The following NAALADL2 variants were observed in gnomAD, a reference collection of about 807,000 sequenced individuals.
The protein encoded by NAALADL2 is inactive N-acetylated-alpha-linked acidic dipeptidase-like protein 2.
In NAALADL2, 76 loss-of-function variants were observed where a neutral mutation model predicts 87.2. The ratio of observed to expected loss-of-function variants is 0.87; its 90% CI spans 0.72 to 1.05. The LOEUF (loss-of-function observed/expected upper bound fraction) is 1.05. Ranked by LOEUF, NAALADL2 falls within the 50% of genes least tolerant of loss-of-function variation. The probability of loss-of-function intolerance (pLI) is 0.00; values close to 1 mark genes in which losing one functional copy is unlikely to be tolerated. For synonymous variants in NAALADL2, 354 were observed against 331.0 expected, an observed-to-expected ratio of 1.07 and a Z score of -0.75; for missense variants, 1,089 against 945.8, an observed-to-expected ratio of 1.15 and a Z score of -1.99.
At chr3:175,190,727 A>G (rs1738027051) in intron 2 of NAALADL2, among the ~76,000 whole-genome samples, 1 of 152,200 alleles carries the variant, frequency 6.6e-6, no homozygotes, top group East Asian at 1.9e-4. Context: ...CTGTAATCCC[A>G]GCACTTTGGG....
At position 175,631,143 on chromosome 3, in the gene NAALADL2, T is replaced by G. The variant is rs1030558902; in HGVS notation, c.1896+3757T>G. On this transcript the variant is annotated intron_variant, in intron 11 of 13. Transcript: ENST00000454872. Reference sequence around the variant, plus strand: ...ACTCTTTTTCTTCTAGACTTTGCTATAGATTGCAAGCATGATTTCATGCCA... The same window carrying G: ...ACTCTTTTTCTTCTAGACTTTGCTAGAGATTGCAAGCATGATTTCATGCCA... Among the ~76,000 whole-genome samples, 4 of 151,852 alleles carry G rather than the reference T, an allele frequency of 2.6e-5. No individual in the cohort carries two copies. The East Asian group carries it at 5.8e-4, about 22-fold the overall frequency.
At chr3:174,924,002 T>G (rs1735611213) in intron 1 of NAALADL2, among the ~76,000 whole-genome samples, 1 of 152,196 alleles carries the variant, frequency 6.6e-6, no homozygotes, top group Non-Finnish European at 1.5e-5. Flanking sequence ...ACTAGGTTTT[T>G]AAAAGAAGGA....
At chr3:175,231,466 C>A (rs1329105065) in intron 2 of NAALADL2, among the ~76,000 whole-genome samples, 1 of 152,032 alleles carries the variant, frequency 6.6e-6, no homozygotes. Flanking sequence ...TTAATTTTAG[C>A]TTAATACTGA....
intron 1 of NAALADL2, among the ~76,000 whole-genome samples, chr3:175,054,121 G>C (rs1341742748): frequency 6.6e-6 from 1 of 152,188 alleles, no homozygotes; most frequent in Non-Finnish European, 1.5e-5. Context: ...CACATTCATA[G>C]GCATATTAAA....
At chr3:175,471,348 G>T (rs1724838168) in intron 8 of NAALADL2, among the ~76,000 whole-genome samples, 1 of 151,670 alleles carries the variant, frequency 6.6e-6, no homozygotes, top group African/African-American at 2.4e-5. Flanking sequence ...AGCTGGAGGG[G>T]TGGCCAGCGC....
intron 2 of NAALADL2, among the ~76,000 whole-genome samples, chr3:175,133,648 C>T (rs527286130): frequency 2.6e-5 from 4 of 152,246 alleles, no homozygotes; most frequent in Admixed American, 2.0e-4. Context: ...GGCAGGGAGG[C>T]TGCAGTGAGC....
chr3:175,789,316 C>T (rs761868758), intron 13 of NAALADL2, among the ~76,000 whole-genome samples: 15 of 151,958 alleles, frequency 9.9e-5, no homozygotes, highest in African/African-American at 2.2e-4. Context: ...AGAGTTTCTG[C>T]GACTTTATTT....
chr3:175,372,082 C>G (rs773153579), intron 5 of NAALADL2, among the ~76,000 whole-genome samples: 11 of 152,122 alleles, frequency 7.2e-5, no homozygotes, highest in Non-Finnish European at 1.6e-4. Context: ...AGGAATAACC[C>G]TTAGGAGTTC....
chr3:175,245,896 G>A (rs1747884407), intron 3 of NAALADL2, among the ~76,000 whole-genome samples: 1 of 152,132 alleles, frequency 6.6e-6, no homozygotes, highest in Admixed American at 6.6e-5. Context: ...CTCCTCTTAT[G>A]CCAACCCTTG....
chr3:175,684,222 G>A (rs1735974880), intron 11 of NAALADL2, among the ~76,000 whole-genome samples: 1 of 151,708 alleles, frequency 6.6e-6, no homozygotes, highest in African/African-American at 2.4e-5. Context: ...GTCTGAGAAG[G>A]AAAAGCATTA....
At chr3:174,590,887 A>G (rs1376642313) in intron 2 of NAALADL2, among the ~76,000 whole-genome samples, 2 of 144,292 alleles carry the variant, frequency 1.4e-5, no homozygotes, top group Admixed American at 6.9e-5. Flanking sequence ...AAATGAAAGG[A>G]AAAAAAAAAA....
intron 3 of NAALADL2, among the ~76,000 whole-genome samples, chr3:174,837,319 T>C (rs1723450562): frequency 6.6e-6 from 1 of 152,162 alleles, no homozygotes; most frequent in African/African-American, 2.4e-5. Flanking sequence ...AGATTACAAC[T>C]GACACCACAG....
intron 5 of NAALADL2, among the ~76,000 whole-genome samples, chr3:175,347,270 A>T (rs2148862167): frequency 6.6e-6 from 1 of 152,258 alleles, no homozygotes. Flanking sequence ...ATCTCTTTCC[A>T]ATTGGCTAGC....
chr3:174,606,362 A>C (rs1204552628), intron 2 of NAALADL2, among the ~76,000 whole-genome samples: 3 of 151,758 alleles, frequency 2.0e-5, no homozygotes, highest in Non-Finnish European at 1.5e-5. Flanking sequence ...TCAGACGATC[A>C]AACTACTCTG....
chr3:174,665,879 A>G (rs1017486439), intron 2 of NAALADL2, among the ~76,000 whole-genome samples: 1 of 152,104 alleles, frequency 6.6e-6, no homozygotes, highest in Non-Finnish European at 1.5e-5. Flanking sequence ...GCTGACTTGT[A>G]TATGCATTAT....
chr3:175,463,866 T>C (rs996196832), intron 7 of NAALADL2, among the ~76,000 whole-genome samples: 3 of 152,038 alleles, frequency 2.0e-5, no homozygotes, highest in African/African-American at 7.3e-5. Context: ...TTTATTTTGA[T>C]CAAGAAGACA....
intron 11 of NAALADL2, among the ~76,000 whole-genome samples, chr3:175,690,048 T>A (rs1357734336): frequency 6.6e-6 from 1 of 152,090 alleles, no homozygotes; most frequent in African/African-American, 2.4e-5. Context: ...GGAAGACAAT[T>A]AGTATGTACA....
At position 174,797,362 on chromosome 3, in the gene NAALADL2, A is replaced by G. The variant is rs111691558; in HGVS notation, c.-9+59616A>G. 9.9e-3 allele frequency among the ~76,000 whole-genome samples: 1,153 copies of G among 116,008 alleles called. 13 individuals are homozygous for G. The highest frequency in any genetic ancestry group is 0.038 in the African/African-American group (1,088 of 28,948). The allele number at this position is 116,008 out of a possible 152,430, so 76.1% of individuals were successfully genotyped here. A position where few individuals can be genotyped will look rare whatever the true frequency, so the allele number is the denominator to read the frequency against. ...AGTCTCGCTTTGTCACCCAGGCTGGAGTGCAATGGCGTGATCTCAGCTTAC... is the reference window on the plus strand; with the variant it reads ...AGTCTCGCTTTGTCACCCAGGCTGGGGTGCAATGGCGTGATCTCAGCTTAC... On this transcript the variant is annotated intron_variant, in intron 3 of 3. Coordinates refer to the NAALADL2 transcript ENST00000434257.
intron 2 of NAALADL2, among the ~76,000 whole-genome samples, chr3:175,140,878 T>C (rs973373211): frequency 4.6e-5 from 7 of 152,134 alleles, no homozygotes; most frequent in African/African-American, 1.7e-4. Context: ...TCCTGTCTCA[T>C]ATCTTACCCT....
Sources: gnomAD v4.1 joint callset for allele counts (sites outside exome capture counted in the v4.1 genomes callset) on GRCh38, gnomAD v4.1.1 for gene constraint, MANE v1.5 for transcripts, NCBI Gene and HGNC (gene_info 2026-07-23, HGNC 2026-07-21) for gene names.